CD302: variants seen among roughly 807,000 people sequenced by gnomAD.
CD302 encodes CD302 molecule.
CD302 carries 23 observed loss-of-function variants against 26.5 expected under a neutral mutation model. The observed-to-expected ratio is 0.87, with a 90% CI of 0.62 to 1.23. The LOEUF (loss-of-function observed/expected upper bound fraction) is 1.23, where lower values mean the gene tolerates loss of function less well. Among genes scored for constraint, CD302 ranks in the 50% most tolerant of loss-of-function variants. The pLI, the probability that CD302 is intolerant of heterozygous loss-of-function variation, is 0.00. For missense variants in CD302, 290 were observed against 275.5 expected, an observed-to-expected ratio of 1.05 and a Z score of -0.37; for synonymous variants, 90 against 99.4, an observed-to-expected ratio of 0.91 and a Z score of 0.56.
intron 1 of CD302, among the ~76,000 whole-genome samples, chr2:159,786,332 CTTTTT>C (rs56163054): frequency 2.0e-4 from 22 of 112,670 alleles, no homozygotes; most frequent in Admixed American, 2.8e-4. Flanking sequence ...TTGTCTTTTT[CTTTTT>C]TTTTTTTTTT....
Position 159,769,943 on chromosome 2 carries a change from G to A in CD302, c.*1908C>T, listed in dbSNP as rs1043398255. On this transcript the variant is annotated 3_prime_UTR_variant, in exon 6 of 6. Transcript: ENST00000259053. ...CTTGACAATGTGGCTAATGTAATTCGAAAACTGGATTTTAAACTAAATTTA... is the reference window on the plus strand; with the variant it reads ...CTTGACAATGTGGCTAATGTAATTCAAAAACTGGATTTTAAACTAAATTTA... 6.6e-6 allele frequency: 1 copy of A among 152,142 alleles called. No homozygotes were observed. The highest frequency in any genetic ancestry group is 2.4e-5 in the African/African-American group (1 of 41,418). 9.4% of individuals were successfully genotyped at this position (152,142 alleles called of 1,614,324 possible).
chr2:159,780,573 A>G (rs964752520), intron 3 of CD302, among the ~76,000 whole-genome samples: 3 of 152,196 alleles, frequency 2.0e-5, no homozygotes, highest in Admixed American at 2.0e-4. Context: ...AACCGTGATA[A>G]TTTAGTCTAT....
At chr2:159,792,468 C>T (rs889810707) in intron 1 of CD302, among the ~76,000 whole-genome samples, 2 of 91,658 alleles carry the variant, frequency 2.2e-5, no homozygotes, top group African/African-American at 7.1e-5. Flanking sequence ...GTGTGTGTGT[C>T]TGAAAAGATA....
At chr2:159,775,268 A>G (rs573148225) in intron 5 of CD302, among the ~76,000 whole-genome samples, 1 of 152,372 alleles carries the variant, frequency 6.6e-6, no homozygotes, top group African/African-American at 2.4e-5. Flanking sequence ...AATTACATAC[A>G]CATATTTAAT....
intron 5 of CD302, among the ~76,000 whole-genome samples, chr2:159,777,707 A>T (rs1242310030): frequency 6.6e-6 from 1 of 152,242 alleles, no homozygotes; most frequent in Non-Finnish European, 1.5e-5. Flanking sequence ...CACAACACAG[A>T]TGAATCTAAA....
intron 1 of CD302, among the ~76,000 whole-genome samples, chr2:159,789,548 C>T (rs1708753070): frequency 2.5e-5 from 3 of 121,828 alleles, no homozygotes; most frequent in South Asian, 2.8e-4. Context: ...CCTCACACCC[C>T]CTTAGGCCTG....
chr2:159,783,827 G>A (rs1708588686), intron 1 of CD302, among the ~76,000 whole-genome samples: 1 of 152,134 alleles, frequency 6.6e-6, no homozygotes, highest in Non-Finnish European at 1.5e-5. Flanking sequence ...TATCTTTGCA[G>A]TATTTAACAA....
In CD302 at chr2:159,796,175, G is replaced by C. The variant is rs117289024; in HGVS notation, c.67+1957C>G. On this transcript the variant is annotated intron_variant, in intron 1 of 5. Transcript: ENST00000259053. ...CCATATTTATTATGCAACATCATAA[G>C]AGCTTTTCTATTAAGATCTTGGTAT... Among the ~76,000 whole-genome samples the C allele has an allele frequency of 9.2e-3, 1,402 of 152,272 alleles. 32 individuals carry two copies. The highest frequency in any genetic ancestry group is 0.026 in the East Asian group (137 of 5,192).
At chr2:159,789,434 GTATTTATATTCT>G (rs1708750290) in intron 1 of CD302, among the ~76,000 whole-genome samples, 2 of 151,802 alleles carry the variant, frequency 1.3e-5, no homozygotes, top group African/African-American at 2.4e-5. Context: ...CTCAATCTTA[GTATTTATATTCT>G]TTAACTTATC....
chr2:159,789,225 C>T (rs1708744804), intron 1 of CD302, among the ~76,000 whole-genome samples: 1 of 151,664 alleles, frequency 6.6e-6, no homozygotes, highest in Non-Finnish European at 1.5e-5. Flanking sequence ...TGGTCTTGAA[C>T]TCTTGGTCTC....
chr2:159,788,811 G>A (rs973476786), intron 1 of CD302, among the ~76,000 whole-genome samples: 1 of 152,114 alleles, frequency 6.6e-6, no homozygotes, highest in Non-Finnish European at 1.5e-5. Flanking sequence ...AAAGTTCTTG[G>A]CCATTATCAT....
At chr2:159,774,311 A>AGT (rs1708245745) in intron 5 of CD302, among the ~76,000 whole-genome samples, 2 of 152,334 alleles carry the variant, frequency 1.3e-5, no homozygotes, top group African/African-American at 4.8e-5. Flanking sequence ...GCCACTGTCC[A>AGT]GTCAACCAAT....
intron 1 of CD302, among the ~76,000 whole-genome samples, chr2:159,785,118 G>A (rs1708632769): frequency 6.6e-6 from 1 of 151,714 alleles, no homozygotes; most frequent in South Asian, 2.1e-4. Context: ...GGGATTACAG[G>A]TACACAACAC....
At chr2:159,775,527 A>T (rs1708287615) in intron 5 of CD302, among the ~76,000 whole-genome samples, 1 of 152,170 alleles carries the variant, frequency 6.6e-6, no homozygotes, top group South Asian at 2.1e-4. Context: ...TCCACTACTC[A>T]CCTGAACATC....
chr2:159,797,219 G>GTGT (rs1231266282), intron 1 of CD302, among the ~76,000 whole-genome samples: 14 of 122,312 alleles, frequency 1.1e-4, no homozygotes, highest in African/African-American at 4.4e-4. Flanking sequence ...CTGGGGCAAG[G>GTGT]GGTGGGGGGG....
chr2:159,781,235 AT>A (rs956611917), intron 2 of CD302, among the ~76,000 whole-genome samples: 3 of 151,934 alleles, frequency 2.0e-5, no homozygotes, highest in Non-Finnish European at 2.9e-5. Flanking sequence ...ACTTTACATA[AT>A]TTTTTTTAAG....
chr2:159,784,098 T>C (rs1708596901), intron 1 of CD302, among the ~76,000 whole-genome samples: 1 of 152,192 alleles, frequency 6.6e-6, no homozygotes, highest in Admixed American at 6.5e-5. Context: ...TATCTTAGTC[T>C]CTTTTTATTA....
chr2:159,783,912 A>G (rs1042173330), intron 1 of CD302, among the ~76,000 whole-genome samples: 8 of 152,238 alleles, frequency 5.3e-5, no homozygotes, highest in Non-Finnish European at 1.2e-4. Flanking sequence ...AAGAAAAACA[A>G]GTTGCTAGCC....
chr2:159,795,650 G>C (rs578253740), intron 1 of CD302, among the ~76,000 whole-genome samples: 16 of 152,344 alleles, frequency 1.1e-4, no homozygotes, highest in African/African-American at 3.6e-4. Flanking sequence ...GGTGGGGGCA[G>C]CCATGCCAAG....
Sources: allele counts gnomAD v4.1 joint callset (sites outside exome capture counted in the v4.1 genomes callset), GRCh38; gene constraint gnomAD v4.1.1; transcripts MANE v1.5; gene names NCBI Gene and HGNC (gene_info 2026-07-23, HGNC 2026-07-21).